NKAIN2: variants seen among roughly 807,000 people sequenced by gnomAD.
NKAIN2 encodes the protein sodium/potassium-transporting ATPase subunit beta-1-interacting protein 2.
A neutral mutation model predicts 32.6 loss-of-function variants in NKAIN2; 14 were observed. The ratio of observed to expected loss-of-function variants is 0.43; its 90% CI spans 0.28 to 0.67. The LOEUF is 0.67. Among genes scored for constraint, NKAIN2 ranks in the 30% least tolerant of loss-of-function variants. NKAIN2 has a pLI of 0.17. For missense variants in NKAIN2, 198 were observed against 258.3 expected, an observed-to-expected ratio of 0.77 and a Z score of 1.60; for synonymous variants, 80 against 87.2, an observed-to-expected ratio of 0.92 and a Z score of 0.46.
intron 1 of NKAIN2, among the ~76,000 whole-genome samples, chr6:123,976,378 T>TATATATGTTCCC (rs1778623426): frequency 6.9e-5 from 2 of 28,872 alleles, no homozygotes; most frequent in African/African-American, 2.9e-4. Flanking sequence ...TTCCCATATA[T>TATATATGTTCCC]ATATATATAT....
chr6:123,887,226 G>A (rs1428078193), intron 1 of NKAIN2, among the ~76,000 whole-genome samples: 1 of 152,124 alleles, frequency 6.6e-6, no homozygotes, highest in Non-Finnish European at 1.5e-5. Flanking sequence ...CCTCTAAGCT[G>A]CTGGTAATGA....
intron 3 of NKAIN2, among the ~76,000 whole-genome samples, chr6:124,498,703 T>C (rs1778165367): frequency 6.6e-6 from 1 of 152,206 alleles, no homozygotes; most frequent in South Asian, 2.1e-4. Context: ...CTATTATGTC[T>C]GAGATTATCT....
chr6:124,338,844 C>G (rs957940989), intron 2 of NKAIN2, among the ~76,000 whole-genome samples: 8 of 152,224 alleles, frequency 5.3e-5, no homozygotes, highest in Non-Finnish European at 4.4e-5. Flanking sequence ...ATGTAATTGC[C>G]TAAAAGGAGT....
chr6:124,650,146 A>G (rs1237507081), intron 3 of NKAIN2, among the ~76,000 whole-genome samples: 3 of 152,206 alleles, frequency 2.0e-5, no homozygotes, highest in Non-Finnish European at 4.4e-5. Flanking sequence ...AGTTGTAGCT[A>G]ACACAAGACA....
chr6:124,087,009 T>C (rs1784216724), intron 1 of NKAIN2, among the ~76,000 whole-genome samples: 1 of 151,854 alleles, frequency 6.6e-6, no homozygotes, highest in Non-Finnish European at 1.5e-5. Flanking sequence ...TGAACATAGA[T>C]ACAAAAATCC....
At chr6:124,098,199 A>G (rs1235096785) in intron 1 of NKAIN2, among the ~76,000 whole-genome samples, 1 of 152,126 alleles carries the variant, frequency 6.6e-6, no homozygotes, top group Non-Finnish European at 1.5e-5. Flanking sequence ...TTTTCTGACA[A>G]TTAATATGTA....
intron 1 of NKAIN2, among the ~76,000 whole-genome samples, chr6:123,898,312 T>A (rs1331608816): frequency 6.6e-6 from 1 of 152,224 alleles, no homozygotes; most frequent in African/African-American, 2.4e-5. Flanking sequence ...AATAAATTTG[T>A]ACTTCTGATT....
intron 5 of NKAIN2, among the ~76,000 whole-genome samples, chr6:124,808,752 C>A (rs1376625603): frequency 6.6e-6 from 1 of 152,134 alleles, no homozygotes; most frequent in African/African-American, 2.4e-5. Context: ...TCTGCCCAAA[C>A]TCTCCTTAAG....
chr6:124,272,533 G>T (rs77048232), intron 1 of NKAIN2, among the ~76,000 whole-genome samples: 83 of 152,322 alleles, frequency 5.4e-4, no homozygotes, highest in African/African-American at 1.7e-3. Flanking sequence ...GAGGTGTGCT[G>T]CAGAGATGGA....
intron 1 of NKAIN2, among the ~76,000 whole-genome samples, chr6:123,811,044 A>C (rs568163970): frequency 6.6e-6 from 1 of 152,126 alleles, no homozygotes; most frequent in Non-Finnish European, 1.5e-5. Flanking sequence ...TCAGGCACCA[A>C]ATTTTGAGAA....
chr6:124,361,171 C>T (rs1799272636), intron 3 of NKAIN2, among the ~76,000 whole-genome samples: 3 of 152,006 alleles, frequency 2.0e-5, no homozygotes, highest in Admixed American at 2.0e-4. Context: ...TTAATCTATT[C>T]ATTTCATCAC....
chr6:124,325,759 G>A (rs1484436748), intron 2 of NKAIN2, among the ~76,000 whole-genome samples: 1 of 152,036 alleles, frequency 6.6e-6, no homozygotes, highest in Non-Finnish European at 1.5e-5. Context: ...TGTTAGAAAT[G>A]TTTTATGTCC....
At chr6:124,220,623 A>G (rs1365914763) in intron 1 of NKAIN2, among the ~76,000 whole-genome samples, 1 of 151,582 alleles carries the variant, frequency 6.6e-6, no homozygotes, top group Non-Finnish European at 1.5e-5. Flanking sequence ...ATATCACCTA[A>G]GAATATGAGA....
intron 3 of NKAIN2, among the ~76,000 whole-genome samples, chr6:124,618,160 C>T (rs558564683): frequency 6.6e-6 from 1 of 152,254 alleles, no homozygotes. Flanking sequence ...CTTATTTATA[C>T]CTTATTTTGA....
At chr6:124,530,850 G>A (rs1022279300) in intron 3 of NKAIN2, among the ~76,000 whole-genome samples, 9 of 152,118 alleles carry the variant, frequency 5.9e-5, no homozygotes, top group East Asian at 3.9e-4. Context: ...TCGAAGGGTC[G>A]AAGAAAATGA....
At chr6:124,458,905 C>G (rs1776422632) in intron 3 of NKAIN2, among the ~76,000 whole-genome samples, 1 of 151,848 alleles carries the variant, frequency 6.6e-6, no homozygotes, top group Non-Finnish European at 1.5e-5. Context: ...AATCTGCTTC[C>G]TGCCGTATTT....
chr6:124,016,481 T>G (rs2114748234), intron 1 of NKAIN2, among the ~76,000 whole-genome samples: 1 of 152,334 alleles, frequency 6.6e-6, no homozygotes, highest in Non-Finnish European at 1.5e-5. Flanking sequence ...CATGCCAAAG[T>G]CCACAATGTT....
At chr6:123,961,636 G>A (rs762102818) in intron 1 of NKAIN2, among the ~76,000 whole-genome samples, 52 of 152,294 alleles carry the variant, frequency 3.4e-4, no homozygotes, top group Middle Eastern at 3.4e-3. Flanking sequence ...GTATTGGAGA[G>A]ATAATGGCTT....
At chr6:124,655,985 G>A (rs929961150) in intron 3 of NKAIN2, among the ~76,000 whole-genome samples, 6 of 152,054 alleles carry the variant, frequency 3.9e-5, no homozygotes. Context: ...TTGCTGGGCT[G>A]TCCAAGCCTG....
Sources: allele counts gnomAD v4.1 joint callset (sites outside exome capture counted in the v4.1 genomes callset), GRCh38; gene constraint gnomAD v4.1.1; transcripts MANE v1.5; gene names NCBI Gene and HGNC (gene_info 2026-07-23, HGNC 2026-07-21).